NFATC2IP: variants seen among roughly 807,000 people sequenced by gnomAD.
NFATC2IP encodes NFATC2-interacting protein.
Under a neutral mutation model 40.2 loss-of-function variants are expected in NFATC2IP, and 25 were observed. That is an observed-to-expected ratio of 0.62 (90% confidence interval 0.45 to 0.87). NFATC2IP has a LOEUF of 0.87. Among genes scored for constraint, NFATC2IP ranks in the 40% least tolerant of loss-of-function variants. NFATC2IP has a pLI of 0.00. For missense variants in NFATC2IP, 553 were observed against 555.6 expected, an observed-to-expected ratio of 1.00 and a Z score of 0.05; for synonymous variants, 241 against 236.3, an observed-to-expected ratio of 1.02 and a Z score of -0.18.
Position 28,952,172 on chromosome 16 carries a change from T to C in NFATC2IP, c.428T>C (p.Leu143Pro). 6.2e-7 allele frequency: 1 copy of C among 1,613,820 alleles called. No individual in the cohort carries two copies. Among genetic ancestry groups the C allele is most frequent in the African/African-American group, 1.3e-5 (1 of 74,986 alleles). ...CGCCTTATCCCAGATGATCTATCCC[T>C]CCTGAAACTCTACCCTCCAGGGGAT... ...SLRLIPDDLS[L>P]LKLYPPGDEE... The change falls in exon 2 of 8, where the codon CTC becomes CCC. Residue 143 changes from leucine (L) to proline (P), a missense_variant. Physicochemically the swap from Leu to Pro is moderately conservative, Grantham distance 98. Transcript: ENST00000320805.
chr16:28,953,785 A>G (rs1489978020), intron 2 of NFATC2IP, among the ~76,000 whole-genome samples: 2 of 151,958 alleles, frequency 1.3e-5, no homozygotes, highest in Non-Finnish European at 2.9e-5. Context: ...AGGCATGGTG[A>G]TGTGTACTTG....
intron 7 of NFATC2IP, among the ~76,000 whole-genome samples, chr16:28,959,374 C>T (rs768436134): frequency 6.6e-6 from 1 of 152,074 alleles, no homozygotes; most frequent in Non-Finnish European, 1.5e-5. Flanking sequence ...AGACGGTAAT[C>T]AATAAAACCC....
intron 7 of NFATC2IP, among the ~76,000 whole-genome samples, chr16:28,962,181 C>T (rs1965096148): frequency 6.6e-6 from 1 of 152,160 alleles, no homozygotes; most frequent in African/African-American, 2.4e-5. Flanking sequence ...GTTGGGATTA[C>T]AGGCATGAGC....
chr16:28,967,052 T>A lies in NFATC2IP; in HGVS notation c.*3189T>A, dbSNP rs550909063. 1.3e-5 allele frequency: 2 copies of A among 152,260 alleles called. No homozygotes were observed. The highest frequency in any genetic ancestry group is 1.3e-4 in the Admixed American group (2 of 15,282). The allele number at this position is 152,260 out of a possible 1,614,324, so 9.4% of individuals were successfully genotyped here. A position where few individuals can be genotyped will look rare whatever the true frequency, so the allele number is the denominator to read the frequency against. ...TTAATAAGTTTGAATACGTTAAAAT[T>A]ATATGTTTAACCTCAACAAAATAAA... is the stretch of plus-strand genomic sequence containing the variant. On this transcript the variant is annotated 3_prime_UTR_variant, in exon 8 of 8. Coordinates refer to ENST00000320805, the MANE Select transcript of NFATC2IP (RefSeq NM_032815.4).
chr16:28,951,152 T>C lies in NFATC2IP; in HGVS notation c.141T>C (p.Ser47=), dbSNP rs1382570374. The change falls in exon 1 of 8, where the codon TCT becomes TCC. Residue 47 remains serine (S), a synonymous_variant. Coordinates refer to ENST00000320805, the MANE Select transcript of NFATC2IP (RefSeq NM_032815.4). ...CCCGGGGCACGCTGGACGTAGTGTC[T>C]GTGGACTTGGTCACCGACAGCGATG... ...SPSRGTLDVV[S]VDLVTDSDEE... is the part of the protein sequence containing the mutation. 6 of 1,546,108 alleles carry C rather than the reference T, an allele frequency of 3.9e-6. No individual in the cohort carries two copies. The highest frequency in any genetic ancestry group is 2.0e-5 in the Admixed American group (1 of 50,706).
intron 5 of NFATC2IP, chr16:28,958,430 G>T (rs182220024): frequency 1.3e-5 from 4 of 317,996 alleles, no homozygotes; most frequent in Non-Finnish European, 2.3e-5. Flanking sequence ...ATCAGCTGGA[G>T]CTGCGTAACA....
intron 2 of NFATC2IP, chr16:28,952,587 C>T (rs1380824020): frequency 8.6e-6 from 2 of 232,764 alleles, no homozygotes; most frequent in Non-Finnish European, 1.7e-5. Flanking sequence ...TTGCAAACAA[C>T]TCAAGGGCGG....
chr16:28,952,062 T>C, intron 1 of NFATC2IP, 70 bp from the exon 2 acceptor site: 3 of 1,604,538 alleles, frequency 1.9e-6, no homozygotes, highest in Non-Finnish European at 8.5e-7. Context: ...AGGGAAGAAT[T>C]ACCCCCAATT....
Position 28,951,065 on chromosome 16 carries a change from C to T in NFATC2IP, c.54C>T (p.Gly18=). 6.5e-7 allele frequency: 1 copy of T among 1,541,216 alleles called. No individual in the cohort carries two copies. Among genetic ancestry groups the T allele is most frequent in the Non-Finnish European group, 8.7e-7 (1 of 1,143,736 alleles). The change falls in exon 1 of 8, where the codon GGC becomes GGT. Residue 18 remains glycine (G), a synonymous_variant. Transcript: ENST00000320805. The stretch of plus-strand genomic sequence containing the variant: ...GCTGGTCCGGAGGTAGCGGTGCCGG[C>T]CGAGGGGGTCGGGGCGGCTGGGGCG... The part of the protein sequence containing the change: ...RGRWSGGSGA[G]RGGRGGWGGR...
chr16:28,963,692 T>G lies in NFATC2IP; in HGVS notation c.1102-13T>G. 1.2e-6 allele frequency: 2 copies of G among 1,612,998 alleles called. No individual in the cohort carries two copies. Among genetic ancestry groups the G allele is most frequent in the Non-Finnish European group, 1.7e-6 (2 of 1,179,198 alleles). ...TCATGTTCTGACGTCCATTTTCTTT[T>G]GTCTCCATCCAGGATTCCCCTCTAA... On this transcript the variant is annotated splice_polypyrimidine_tract_variant and intron_variant, in intron 7 of 7. Transcript: ENST00000320805.
intron 2 of NFATC2IP, among the ~76,000 whole-genome samples, chr16:28,952,806 G>C (rs939828804): frequency 1.3e-5 from 2 of 150,294 alleles, no homozygotes; most frequent in Non-Finnish European, 2.9e-5. Context: ...GCAATGGCAC[G>C]ATCTCGGCTC....
intron 7 of NFATC2IP, among the ~76,000 whole-genome samples, chr16:28,961,851 G>C (rs145296724): frequency 0.018 from 2,243 of 128,086 alleles, 50 homozygotes; most frequent in African/African-American, 0.06. Context: ...AGTGAGCCAA[G>C]ATCAAGCCAC....
Position 28,959,096 on chromosome 16 carries a change from C to G in NFATC2IP, c.1097C>G (p.Ser366Cys). ...EKHQTLEVSLSRDSPLKTLMS... is the reference protein window; with the variant it reads ...EKHQTLEVSLCRDSPLKTLMS... The stretch of plus-strand genomic sequence containing the variant: ...CACCAGACACTGGAAGTCTCACTGT[C>G]TCGAGTGAGTGGGAGAGATGGCTCT... The change falls in exon 7 of 8, where the codon TCT becomes TGT. Residue 366 changes from serine (S) to cysteine (C), a missense_variant. Physicochemically the swap from Ser to Cys is moderately radical, Grantham distance 112. Transcript: ENST00000320805. 1 of 1,596,636 alleles carries G rather than the reference C, an allele frequency of 6.3e-7. No individual in the cohort carries two copies. Among genetic ancestry groups the G allele is most frequent in the Non-Finnish European group, 8.6e-7 (1 of 1,164,066 alleles).
rs1965021427 is a variant in NFATC2IP at position 28,956,319 on chromosome 16, C to T, written c.828C>T (p.Val276=). The T allele has an allele frequency of 6.2e-7, 1 of 1,613,882 alleles. No individual in the cohort carries two copies. The highest frequency in any genetic ancestry group is 1.1e-5 in the South Asian group (1 of 91,058). Residue 276 remains valine, a synonymous_variant, in exon 5 of 8, where the codon GTC becomes GTT. Transcript: ENST00000320805. ...AAATCCGTTGCCGGGCTGACCTGGTCAGATTGCCCCTCAGGATGGTGAGTG... is the reference window on the plus strand; with the variant it reads ...AAATCCGTTGCCGGGCTGACCTGGTTAGATTGCCCCTCAGGATGGTGAGTG... ...PLKIRCRADL[V]RLPLRMSEPL...
chr16:28,954,374 A>G (rs917339065), intron 2 of NFATC2IP, among the ~76,000 whole-genome samples, 191 bp from the exon 3 acceptor site: 11 of 152,270 alleles, frequency 7.2e-5, no homozygotes, highest in Admixed American at 6.5e-4. Context: ...AATATGAGCT[A>G]TCTTTATACT....
chr16:28,962,646 G>T (rs754010630), intron 7 of NFATC2IP, among the ~76,000 whole-genome samples: 2 of 152,130 alleles, frequency 1.3e-5, no homozygotes, highest in South Asian at 4.1e-4. Context: ...CATGCAAAAA[G>T]ATACTTAACT....
At position 28,956,192 on chromosome 16, in the gene NFATC2IP, G is replaced by T; in HGVS notation, c.701G>T (p.Ser234Ile). 1.2e-6 allele frequency: 2 copies of T among 1,614,022 alleles called. No individual in the cohort carries two copies. The highest frequency in any genetic ancestry group is 1.1e-5 in the South Asian group (1 of 91,066). ...CTCCAGGATCTCCGTTCCTGTCTGA[G>T]CCCCAAGCCACCTCAGGGTCAAGAG... ...KRLQDLRSCL[S>I]PKPPQGQEQQ... The change falls in exon 5 of 8, where the codon AGC (serine) becomes ATC (isoleucine). Residue 234 changes from serine (S) to isoleucine (I), a missense_variant. Coordinates refer to ENST00000320805, the MANE Select transcript of NFATC2IP (RefSeq NM_032815.4).
intron 2 of NFATC2IP, 181 bp downstream of exon 2, chr16:28,952,385 T>A: frequency 2.0e-6 from 2 of 979,112 alleles, no homozygotes; most frequent in Non-Finnish European, 1.5e-6. Context: ...TATTAATGTA[T>A]ACATTTCTGG....
In NFATC2IP at chr16:28,956,039, C is replaced by T. The variant is rs149606880; in HGVS notation, c.640C>T (p.Arg214Trp). The T allele has an allele frequency of 5.6e-5, 91 of 1,614,120 alleles. No individual in the cohort carries two copies. The highest frequency in any genetic ancestry group is 8.3e-5 in the Admixed American group (5 of 60,006). Residue 214 changes from arginine to tryptophan, a missense_variant, in exon 4 of 8, where the codon CGG (arginine) becomes TGG (tryptophan). Transcript: ENST00000320805. ...SPRTKSRTHT[R>W]ALKKLSEVNK... ...AAGGACCAAAAGCAGAACGCATACT[C>T]GGGCACTCAAGAAGTTAAGGTGCCA... is the stretch of plus-strand genomic sequence containing the variant.
Sources: allele counts gnomAD v4.1 joint callset (sites outside exome capture counted in the v4.1 genomes callset), GRCh38; gene constraint gnomAD v4.1.1; transcripts MANE v1.5; gene names NCBI Gene and HGNC (gene_info 2026-07-23, HGNC 2026-07-21).